C12orf42: variants seen among roughly 807,000 people sequenced by gnomAD.
C12orf42 encodes the protein uncharacterized protein C12orf42.
Under a neutral mutation model 21.6 loss-of-function variants are expected in C12orf42, and 25 were observed. The observed-to-expected ratio is 1.16, with a 90% CI of 0.84 to 1.62. C12orf42 has a LOEUF of 1.62. Among genes scored for constraint, C12orf42 ranks in the 40% most tolerant of loss-of-function variants. The pLI is 0.00. For missense variants in C12orf42, 483 were observed against 459.3 expected, an observed-to-expected ratio of 1.05 and a Z score of -0.47; for synonymous variants, 174 against 175.0, an observed-to-expected ratio of 0.99 and a Z score of 0.05.
the C12orf42 span, among the ~76,000 whole-genome samples, chr12:103,518,121 G>GA: frequency 1.3e-5 from 2 of 152,182 alleles, no homozygotes; most frequent in Non-Finnish European, 1.5e-5. Flanking sequence ...AAGATACACA[G>GA]ATGTTACTTT....
At chr12:103,161,236 G>A in the C12orf42 span, among the ~76,000 whole-genome samples, 561 of 152,272 alleles carry the variant, frequency 3.7e-3, 2 homozygotes, top group African/African-American at 0.013. Context: ...AAGACTAGAA[G>A]AGGGAATTTA....
At chr12:103,410,780 C>G (rs1416744070) in intron 2 of C12orf42, among the ~76,000 whole-genome samples, 1 of 152,164 alleles carries the variant, frequency 6.6e-6, no homozygotes, top group Non-Finnish European at 1.5e-5. Context: ...TTCAGATTAA[C>G]AAATCAGATT....
At chr12:103,450,749 C>T (rs1014783126) in intron 2 of C12orf42, among the ~76,000 whole-genome samples, 1 of 152,016 alleles carries the variant, frequency 6.6e-6, no homozygotes, top group South Asian at 2.1e-4. Context: ...TGGCTCTGTC[C>T]TTTGAGATGT....
At chr12:103,390,896 C>A (rs919346217) in intron 3 of C12orf42, among the ~76,000 whole-genome samples, 2 of 152,180 alleles carry the variant, frequency 1.3e-5, no homozygotes, top group Admixed American at 1.3e-4. Context: ...GATTTTTATT[C>A]AGTCTGCTGA....
At chr12:103,188,711 C>T in the C12orf42 span, among the ~76,000 whole-genome samples, 2 of 152,166 alleles carry the variant, frequency 1.3e-5, no homozygotes, top group East Asian at 1.9e-4. Flanking sequence ...CTCTTGCTTC[C>T]TCTCTTGTCA....
chr12:103,261,836 G>T (rs1438391594), intron 10 of C12orf42, among the ~76,000 whole-genome samples: 1 of 152,152 alleles, frequency 6.6e-6, no homozygotes, highest in Non-Finnish European at 1.5e-5. Flanking sequence ...AAGGAAAGTT[G>T]AGGATTACTA....
chr12:103,368,829 C>A, intron 4 of C12orf42, 58 bp downstream of exon 4: 2 of 870,496 alleles, frequency 2.3e-6, no homozygotes, highest in East Asian at 5.3e-5. Flanking sequence ...ATTACCTGTA[C>A]ATAGTCCAGA....
chr12:103,282,037 C>T (rs991974261), intron 4 of C12orf42, among the ~76,000 whole-genome samples: 1 of 152,100 alleles, frequency 6.6e-6, no homozygotes, highest in East Asian at 1.9e-4. Context: ...TCCGTATTCT[C>T]GAGTTATATG....
At chr12:103,104,700 T>C in the C12orf42 span, among the ~76,000 whole-genome samples, 3 of 152,208 alleles carry the variant, frequency 2.0e-5, no homozygotes, top group African/African-American at 7.2e-5. Flanking sequence ...CCCAAAGTGC[T>C]GGCATTACAG....
At chr12:103,469,001 G>A (rs1953367038) in intron 2 of C12orf42, among the ~76,000 whole-genome samples, 1 of 152,182 alleles carries the variant, frequency 6.6e-6, no homozygotes, top group Admixed American at 6.5e-5. Context: ...CAGGCCTTGG[G>A]CGGCCTAGTG....
the C12orf42 span, among the ~76,000 whole-genome samples, chr12:103,530,386 C>T: frequency 6.6e-6 from 1 of 152,182 alleles, no homozygotes; most frequent in East Asian, 1.9e-4. Flanking sequence ...GTCTGCCAGG[C>T]TTTCACTCTC....
chr12:103,483,664 TC>T (rs1235989982), intron 1 of C12orf42, among the ~76,000 whole-genome samples: 12 of 152,152 alleles, frequency 7.9e-5, no homozygotes, highest in Non-Finnish European at 1.8e-4. Context: ...TTCTTTTTTT[TC>T]TTTCTTGTTT....
downstream of C12orf42, among the ~76,000 whole-genome samples, chr12:103,299,611 C>G (rs2037523014): frequency 6.6e-6 from 1 of 152,126 alleles, no homozygotes; most frequent in Non-Finnish European, 1.5e-5. Flanking sequence ...AACTCAGAAC[C>G]TGTGAAACAA....
At chr12:103,254,299 G>A (rs1022566696) in intron 10 of C12orf42, among the ~76,000 whole-genome samples, 1 of 152,100 alleles carries the variant, frequency 6.6e-6, no homozygotes, top group Admixed American at 6.6e-5. Context: ...TGCACATTCA[G>A]CACATGTATC....
the C12orf42 span, among the ~76,000 whole-genome samples, chr12:103,125,507 C>T: frequency 4.5e-4 from 69 of 152,110 alleles, no homozygotes; most frequent in Non-Finnish European, 8.8e-4. Context: ...GGAAAATCTG[C>T]GCATTTTTTT....
At chr12:103,558,086 C>T in the C12orf42 span, 1 of 152,254 alleles carries the variant, frequency 6.6e-6, no homozygotes, top group African/African-American at 2.4e-5. Context: ...GTCCTCTACT[C>T]TCCATTTCCA....
the C12orf42 span, among the ~76,000 whole-genome samples, chr12:103,537,564 C>T: frequency 6.6e-6 from 1 of 152,112 alleles, no homozygotes; most frequent in East Asian, 1.9e-4. Flanking sequence ...TAAGTCTTTC[C>T]TATATAGAAG....
At chr12:103,350,254 C>G (rs971784954) in intron 4 of C12orf42, among the ~76,000 whole-genome samples, 1 of 152,128 alleles carries the variant, frequency 6.6e-6, no homozygotes, top group Non-Finnish European at 1.5e-5. Flanking sequence ...AAATTATGCA[C>G]CATTCTGAAA....
chr12:103,081,631 G>A, the C12orf42 span: 1 of 152,152 alleles, frequency 6.6e-6, no homozygotes, highest in African/African-American at 2.4e-5. Context: ...GTTTGTCTGG[G>A]TATAGAATTT....
Sources: gnomAD v4.1 joint callset for allele counts (sites outside exome capture counted in the v4.1 genomes callset) on GRCh38, gnomAD v4.1.1 for gene constraint, MANE v1.5 for transcripts, NCBI Gene and HGNC (gene_info 2026-07-23, HGNC 2026-07-21) for gene names.